The following CYTH3 variants were observed in gnomAD, a reference collection of about 807,000 sequenced individuals.
CYTH3 encodes cytohesin-3.
Under a neutral mutation model 55.1 loss-of-function variants are expected in CYTH3, and 23 were observed. That is an observed-to-expected ratio of 0.42 (90% confidence interval 0.30 to 0.59). The LOEUF (loss-of-function observed/expected upper bound fraction) is 0.59, where lower values mean the gene tolerates loss of function less well. CYTH3 is among the 20% of genes least tolerant of loss of function. The pLI is 0.20. For synonymous variants in CYTH3, 249 were observed against 194.9 expected (o/e 1.28, Z -2.31); for missense variants, 413 against 524.8 (o/e 0.79, Z 2.08).
chr7:6,186,112 C>T lies in CYTH3; in HGVS notation c.249+938G>A, dbSNP rs577187244. 4.0e-3 allele frequency among the ~76,000 whole-genome samples: 607 copies of T among 151,822 alleles called. 5 individuals are homozygous for T. Among genetic ancestry groups the T allele is most frequent in the African/African-American group, 0.014 (583 of 41,382 alleles). Reference sequence around the variant, plus strand: ...ACAAAAAATTAGCCGGGCGTGGTGGCGGGCGCCTGTAGTCTCAGCTACCCG... The same window carrying T: ...ACAAAAAATTAGCCGGGCGTGGTGGTGGGCGCCTGTAGTCTCAGCTACCCG... On this transcript the variant is annotated intron_variant, in intron 4 of 12. Transcript: ENST00000350796.
At chr7:6,178,354 C>A (rs769007957) in intron 4 of CYTH3, among the ~76,000 whole-genome samples, 1 of 152,234 alleles carries the variant, frequency 6.6e-6, no homozygotes, top group Non-Finnish European at 1.5e-5. Context: ...ACGCAGCAAG[C>A]GGGTGGTGCT....
chr7:6,270,482 T>C (rs1780621371), intron 1 of CYTH3, among the ~76,000 whole-genome samples: 1 of 152,092 alleles, frequency 6.6e-6, no homozygotes, highest in Non-Finnish European at 1.5e-5. Flanking sequence ...TTTTTTCCAA[T>C]CTGAAATACA....
chr7:6,207,169 A>G (rs1236612312), intron 1 of CYTH3, among the ~76,000 whole-genome samples: 3 of 130,584 alleles, frequency 2.3e-5, no homozygotes, highest in Non-Finnish European at 4.6e-5. Flanking sequence ...ATCTTGGCTC[A>G]CTGCAAGCTC....
At chr7:6,251,592 A>T (rs774027771) in intron 1 of CYTH3, among the ~76,000 whole-genome samples, 3 of 152,244 alleles carry the variant, frequency 2.0e-5, no homozygotes, top group Non-Finnish European at 2.9e-5. Flanking sequence ...AGTAGTGCTC[A>T]TATATTACAT....
chr7:6,259,361 T>C (rs1265476799), intron 1 of CYTH3, among the ~76,000 whole-genome samples: 1 of 152,166 alleles, frequency 6.6e-6, no homozygotes, highest in Non-Finnish European at 1.5e-5. Flanking sequence ...GCAGGAACTT[T>C]TATTCTCTCC....
rs1329448100 is a variant in CYTH3, at chr7:6,193,372, C to T, written c.35-2841G>A. ...AGCCTGGGCGACAGAGCAAGACTCCCGTCTCAAAAAAAAAAAAAAAAAGGA... is the reference window on the plus strand; with the variant it reads ...AGCCTGGGCGACAGAGCAAGACTCCTGTCTCAAAAAAAAAAAAAAAAAGGA... On this transcript the variant is annotated intron_variant, in intron 1 of 12. Coordinates refer to ENST00000350796, the MANE Select transcript of CYTH3 (RefSeq NM_004227.4). 2.0e-5 allele frequency among the ~76,000 whole-genome samples: 3 copies of T among 146,990 alleles called. No individual in the cohort carries two copies. In the East Asian group the frequency reaches 5.9e-4, roughly 29 times the overall value.
At chr7:6,227,791 T>C (rs1779293354) in intron 1 of CYTH3, among the ~76,000 whole-genome samples, 1 of 152,230 alleles carries the variant, frequency 6.6e-6, no homozygotes, top group Admixed American at 6.5e-5. Context: ...TCATAAACTT[T>C]ATTGAGAATG....
At chr7:6,234,585 G>A (rs907247619) in intron 1 of CYTH3, among the ~76,000 whole-genome samples, 48 of 152,222 alleles carry the variant, frequency 3.2e-4, no homozygotes, top group African/African-American at 1.1e-3. Flanking sequence ...GAAGAGGGCT[G>A]GTCTCGGGAC....
chr7:6,173,958 C>A (rs1783268178), intron 5 of CYTH3, among the ~76,000 whole-genome samples: 1 of 152,126 alleles, frequency 6.6e-6, no homozygotes, highest in African/African-American at 2.4e-5. Flanking sequence ...CCCTGGGCCT[C>A]CCAAAGTGCT....
At chr7:6,221,169 T>C (rs1269499521) in intron 1 of CYTH3, among the ~76,000 whole-genome samples, 3 of 152,060 alleles carry the variant, frequency 2.0e-5, no homozygotes, top group African/African-American at 7.3e-5. Context: ...CTACAATAGG[T>C]GGATGGAGAA....
At chr7:6,204,233 A>G (rs569008423) in intron 1 of CYTH3, among the ~76,000 whole-genome samples, 1 of 152,362 alleles carries the variant, frequency 6.6e-6, no homozygotes, top group East Asian at 1.9e-4. Flanking sequence ...GGCACCCAAC[A>G]GGTGTGCAAT....
chr7:6,183,201 G>C (rs567773439), intron 4 of CYTH3, among the ~76,000 whole-genome samples: 47 of 152,334 alleles, frequency 3.1e-4, no homozygotes, highest in African/African-American at 1.1e-3. Context: ...CCCTCCCACA[G>C]TCCTGTTCCC....
chr7:6,240,811 G>A (rs1287879207), intron 1 of CYTH3, among the ~76,000 whole-genome samples: 1 of 151,996 alleles, frequency 6.6e-6, no homozygotes, highest in Non-Finnish European at 1.5e-5. Flanking sequence ...TCATAATTTA[G>A]GTGTGAAAAA....
chr7:6,227,895 G>A (rs1180873432), intron 1 of CYTH3, among the ~76,000 whole-genome samples: 2 of 152,124 alleles, frequency 1.3e-5, no homozygotes, highest in Non-Finnish European at 1.5e-5. Flanking sequence ...GTATACAAGT[G>A]CTCACTTTCT....
At chr7:6,173,955 C>T (rs1341683410) in intron 5 of CYTH3, among the ~76,000 whole-genome samples, 1 of 152,116 alleles carries the variant, frequency 6.6e-6, no homozygotes, top group Non-Finnish European at 1.5e-5. Context: ...CCTCCCTGGG[C>T]CTCCCAAAGT....
chr7:6,236,268 A>G (rs1779520690), intron 1 of CYTH3, among the ~76,000 whole-genome samples: 1 of 151,668 alleles, frequency 6.6e-6, no homozygotes, highest in Admixed American at 6.6e-5. Context: ...CAGTGGCACA[A>G]TCTTGCTTCA....
intron 1 of CYTH3, among the ~76,000 whole-genome samples, chr7:6,231,687 G>C (rs546825286): frequency 6.6e-6 from 1 of 152,322 alleles, no homozygotes; most frequent in African/African-American, 2.4e-5. Context: ...AATGCTGATT[G>C]ATCAATTCAT....
At chr7:6,190,366 TTTTGTGAGGCTACTCTTTTAC>T in intron 2 of CYTH3, 62 bp downstream of exon 2, 2 of 1,009,918 alleles carry the variant, frequency 2.0e-6, no homozygotes, top group South Asian at 2.0e-5. Context: ...TTTTTTACAT[TTTTGTGAGGCTACTCTTTTAC>T]TATTTTACTC....
chr7:6,193,976 C>T (rs2128544992), intron 1 of CYTH3, among the ~76,000 whole-genome samples: 1 of 152,330 alleles, frequency 6.6e-6, no homozygotes, highest in South Asian at 2.1e-4. Context: ...AAGCATCCCA[C>T]AGGCTTCAGC....
Sources: allele counts gnomAD v4.1 joint callset (sites outside exome capture counted in the v4.1 genomes callset), GRCh38; gene constraint gnomAD v4.1.1; transcripts MANE v1.5; gene names NCBI Gene and HGNC (gene_info 2026-07-23, HGNC 2026-07-21).